PTPRK: variants seen among roughly 807,000 people sequenced by gnomAD.
PTPRK encodes the protein receptor-type tyrosine-protein phosphatase kappa.
Under a neutral mutation model 178.0 loss-of-function variants are expected in PTPRK, and 75 were observed. The ratio of observed to expected loss-of-function variants is 0.42; its 90% CI spans 0.35 to 0.51. The LOEUF (loss-of-function observed/expected upper bound fraction) is 0.51, where lower values mean the gene tolerates loss of function less well. PTPRK is among the 20% of genes least tolerant of loss of function. The pLI is 0.02. For synonymous variants in PTPRK, 637 were observed against 620.6 expected (o/e 1.03, Z -0.39); for missense variants, 1,441 against 1,797.8 (o/e 0.80, Z 3.59).
chr6:128,194,538 C>G (rs1415267155), intron 6 of PTPRK, among the ~76,000 whole-genome samples: 1 of 152,070 alleles, frequency 6.6e-6, no homozygotes, highest in Non-Finnish European at 1.5e-5. Flanking sequence ...TCATTTAATA[C>G]CTCATTTCAG....
At chr6:128,042,467 G>T (rs182935396) in intron 13 of PTPRK, among the ~76,000 whole-genome samples, 1 of 152,040 alleles carries the variant, frequency 6.6e-6, no homozygotes, top group Non-Finnish European at 1.5e-5. Context: ...AGTTTCTAGA[G>T]GCTGCCTGAA....
chr6:128,490,383 T>C (rs1263200356), intron 1 of PTPRK, among the ~76,000 whole-genome samples: 1 of 152,204 alleles, frequency 6.6e-6, no homozygotes, highest in Non-Finnish European at 1.5e-5. Context: ...ATTCTGCAGA[T>C]GCATCATTCC....
intron 1 of PTPRK, among the ~76,000 whole-genome samples, chr6:128,413,933 T>TA (rs1004292448): frequency 2.0e-5 from 3 of 151,884 alleles, no homozygotes; most frequent in East Asian, 1.9e-4. Flanking sequence ...ATAACCCTAT[T>TA]AAAAAAAGAC....
At chr6:128,105,335 G>C (rs558022713) in intron 7 of PTPRK, among the ~76,000 whole-genome samples, 1 of 151,854 alleles carries the variant, frequency 6.6e-6, no homozygotes, top group Non-Finnish European at 1.5e-5. Context: ...GGGTTTCACC[G>C]TGTTAGCCAG....
At chr6:128,325,831 AG>A (rs1829477658) in intron 2 of PTPRK, among the ~76,000 whole-genome samples, 2 of 152,212 alleles carry the variant, frequency 1.3e-5, no homozygotes, top group South Asian at 4.1e-4. Flanking sequence ...ATATATCCAA[AG>A]GATTATAAAT....
intron 21 of PTPRK, among the ~76,000 whole-genome samples, chr6:127,989,883 C>A (rs932279493): frequency 6.6e-6 from 1 of 150,906 alleles, no homozygotes; most frequent in African/African-American, 2.4e-5. Flanking sequence ...TCGCAAGGTT[C>A]TTCTGTCTGT....
At chr6:128,012,447 C>T (rs7768641) in intron 13 of PTPRK, among the ~76,000 whole-genome samples, 2 of 151,188 alleles carry the variant, frequency 1.3e-5, no homozygotes, top group Non-Finnish European at 3.0e-5. Context: ...TTTATAATTT[C>T]TGCACATACA....
At chr6:128,488,884 A>T (rs1204299884) in intron 1 of PTPRK, among the ~76,000 whole-genome samples, 2 of 152,272 alleles carry the variant, frequency 1.3e-5, no homozygotes, top group East Asian at 3.9e-4. Context: ...TTGTACCAAC[A>T]AATAGAGTGT....
chr6:128,393,575 A>C (rs1206185612), intron 2 of PTPRK, among the ~76,000 whole-genome samples: 1 of 152,216 alleles, frequency 6.6e-6, no homozygotes, highest in African/African-American at 2.4e-5. Context: ...AGACACAGTA[A>C]AAATGGGTAA....
chr6:128,385,214 A>T (rs1167262357), intron 2 of PTPRK, among the ~76,000 whole-genome samples: 1 of 151,826 alleles, frequency 6.6e-6, no homozygotes, highest in Non-Finnish European at 1.5e-5. Flanking sequence ...ATGATAAAAC[A>T]ACAAATTCAG....
At chr6:128,457,529 T>G (rs1848546425) in intron 1 of PTPRK, among the ~76,000 whole-genome samples, 1 of 152,142 alleles carries the variant, frequency 6.6e-6, no homozygotes, top group Admixed American at 6.6e-5. Context: ...AGTAATCATA[T>G]AGCTAATCAC....
chr6:128,421,754 GATGGA>G (rs1213706482), intron 1 of PTPRK, among the ~76,000 whole-genome samples: 9 of 152,284 alleles, frequency 5.9e-5, no homozygotes, highest in African/African-American at 2.2e-4. Flanking sequence ...GATTATAAAT[GATGGA>G]ATTATCATGA....
intron 13 of PTPRK, among the ~76,000 whole-genome samples, chr6:128,057,770 T>C (rs1350196734): frequency 6.6e-6 from 1 of 152,182 alleles, no homozygotes; most frequent in Admixed American, 6.5e-5. Flanking sequence ...GAGTCCTCCT[T>C]GTGAATCACC....
At chr6:128,119,079 G>A (rs563247454) in intron 7 of PTPRK, among the ~76,000 whole-genome samples, 24 of 152,136 alleles carry the variant, frequency 1.6e-4, no homozygotes, top group Admixed American at 1.1e-3. Context: ...AGTGACATGC[G>A]TAAATTTAAA....
intron 11 of PTPRK, among the ~76,000 whole-genome samples, chr6:128,077,050 G>A (rs924029424): frequency 2.6e-5 from 4 of 152,030 alleles, no homozygotes; most frequent in African/African-American, 9.7e-5. Context: ...AAAATATGCT[G>A]TGTTTGCAAC....
At chr6:127,976,466 C>T (rs4510698) in intron 27 of PTPRK, among the ~76,000 whole-genome samples, 191 bp downstream of exon 27, 20,620 of 152,094 alleles carry the variant, frequency 0.14, 1,444 homozygotes, top group African/African-American at 0.15. Flanking sequence ...GACCGAAAAA[C>T]CTAGCTTCCA....
chr6:128,283,225 C>T (rs762261319), intron 3 of PTPRK, among the ~76,000 whole-genome samples: 1 of 152,134 alleles, frequency 6.6e-6, no homozygotes, highest in South Asian at 2.1e-4. Flanking sequence ...GACCACTTCC[C>T]CCAAGGGTGC....
chr6:127,986,743 A>T (rs1014317137), intron 21 of PTPRK, among the ~76,000 whole-genome samples: 24 of 152,190 alleles, frequency 1.6e-4, no homozygotes, highest in Admixed American at 5.9e-4. Context: ...GTGAACTATC[A>T]ATCTCACTTG....
At chr6:128,424,078 A>AG (rs1843803967) in intron 1 of PTPRK, among the ~76,000 whole-genome samples, 1 of 150,756 alleles carries the variant, frequency 6.6e-6, no homozygotes, top group South Asian at 2.1e-4. Flanking sequence ...AAAAAAAAAA[A>AG]AAAAATTAGC....
Sources: allele counts gnomAD v4.1 joint callset (sites outside exome capture counted in the v4.1 genomes callset), GRCh38; gene constraint gnomAD v4.1.1; transcripts MANE v1.5; gene names NCBI Gene and HGNC (gene_info 2026-07-23, HGNC 2026-07-21).